The following PALS2 variants were observed in gnomAD, a reference collection of about 807,000 sequenced individuals.
The protein encoded by PALS2 is protein PALS2.
In PALS2, 27 loss-of-function variants were observed where a neutral mutation model predicts 61.6. That is an observed-to-expected ratio of 0.44 (90% CI 0.32 to 0.60). The LOEUF (loss-of-function observed/expected upper bound fraction) is 0.60, where lower values mean the gene tolerates loss of function less well. Among genes scored for constraint, PALS2 ranks in the 20% least tolerant of loss-of-function variants. The pLI, the probability that PALS2 is intolerant of heterozygous loss-of-function variation, is 0.05. For missense variants in PALS2, 554 were observed against 639.4 expected (o/e 0.87, Z 1.44); for synonymous variants, 236 against 218.6 (o/e 1.08, Z -0.70).
chr7:24,608,337 C>T (rs1277144680), intron 1 of PALS2, among the ~76,000 whole-genome samples: 3 of 152,126 alleles, frequency 2.0e-5, no homozygotes, highest in Non-Finnish European at 4.4e-5. Flanking sequence ...ATCTGCTCTG[C>T]ACATGGTAGA....
chr7:24,593,404 C>A (rs1191022439), intron 1 of PALS2, among the ~76,000 whole-genome samples: 1 of 152,096 alleles, frequency 6.6e-6, no homozygotes, highest in Non-Finnish European at 1.5e-5. Context: ...GATATTTTGA[C>A]CTTCTCCCAT....
At chr7:24,654,401 T>C (rs1234105672) in intron 5 of PALS2, among the ~76,000 whole-genome samples, 1 of 152,154 alleles carries the variant, frequency 6.6e-6, no homozygotes, top group Non-Finnish European at 1.5e-5. Flanking sequence ...CTACAACTTA[T>C]TAGAAATAAT....
chr7:24,648,455 G>A (rs1785959639), intron 3 of PALS2, among the ~76,000 whole-genome samples: 2 of 151,378 alleles, frequency 1.3e-5, no homozygotes, highest in Admixed American at 1.3e-4. Flanking sequence ...ACCACGCCCA[G>A]CTAATTTTTT....
intron 1 of PALS2, among the ~76,000 whole-genome samples, chr7:24,602,108 T>G (rs1386682786): frequency 6.6e-6 from 1 of 152,144 alleles, no homozygotes; most frequent in African/African-American, 2.4e-5. Context: ...CCTGTGCTTT[T>G]CTACTTTTTG....
rs546618546 is a variant in PALS2 at position 24,599,981 on chromosome 7, A to G, written c.-2-23685A>G. Among the ~76,000 whole-genome samples the G allele has an allele frequency of 5.2e-4, 79 of 152,196 alleles. 2 individuals carry two copies. The South Asian group carries it at 0.015, about 28-fold the overall frequency. On this transcript the variant is annotated intron_variant, in intron 1 of 11. Transcript: ENST00000222644. ...AGGGGGCAGTAACACCCATGGAGCT[A>G]TCATTTCCTATGATAACAGTGCCTT...
At chr7:24,667,390 A>G (rs1787077999) in intron 8 of PALS2, among the ~76,000 whole-genome samples, 2 of 152,182 alleles carry the variant, frequency 1.3e-5, no homozygotes, top group South Asian at 4.1e-4. Flanking sequence ...GTTGAATTCT[A>G]ATCAAACTGA....
Position 24,687,286 on chromosome 7 carries a change from G to T in PALS2, c.1447-152G>T. On this transcript the variant is annotated intron_variant, in intron 11 of 11. Coordinates refer to ENST00000222644, the MANE Select transcript of PALS2 (RefSeq NM_001303037.2). The surrounding 1 kb of genome is among the most constrained non-coding windows in gnomAD (Gnocchi z 4.5). Reference sequence around the variant, plus strand: ...TAAGACATGAACAGATGGCAGTGTTGTCTTTAACACTATATGGATTAGATT... The same window carrying T: ...TAAGACATGAACAGATGGCAGTGTTTTCTTTAACACTATATGGATTAGATT... The T allele has an allele frequency of 1.7e-6, 1 of 580,142 alleles. No homozygotes were observed. Among genetic ancestry groups the T allele is most frequent in the Non-Finnish European group, 2.9e-6 (1 of 341,324 alleles). 35.9% of individuals were successfully genotyped at this position (580,142 alleles called of 1,614,324 possible).
Position 24,689,564 on chromosome 7 carries a change from A to T in PALS2, c.*1950A>T, listed in dbSNP as rs1274418188. On this transcript the variant is annotated 3_prime_UTR_variant, in exon 12 of 12. Coordinates refer to ENST00000222644, the MANE Select transcript of PALS2 (RefSeq NM_001303037.2). Reference sequence around the variant, plus strand: ...AAGTTGTCATATTGTTAAAGTTGGAAATCTATAGGTTTTTCTTTTTTTTTT... The same window carrying T: ...AAGTTGTCATATTGTTAAAGTTGGATATCTATAGGTTTTTCTTTTTTTTTT... 3 of 151,902 alleles carry T rather than the reference A, an allele frequency of 2.0e-5. No homozygotes were observed. Among genetic ancestry groups the T allele is most frequent in the African/African-American group, 4.8e-5 (2 of 41,398 alleles). 9.4% of individuals were successfully genotyped at this position (151,902 alleles called of 1,614,324 possible). A position where few individuals can be genotyped will look rare whatever the true frequency, so the allele number is the denominator to read the frequency against.
At chr7:24,663,551 A>G (rs1786851123) in intron 5 of PALS2, 39 bp from the exon 6 acceptor site, 1 of 1,514,882 alleles carries the variant, frequency 6.6e-7, no homozygotes, top group Non-Finnish European at 8.9e-7. Context: ...GTGGCAAGTG[A>G]TACAACTATA....
intron 10 of PALS2, 81 bp from the exon 11 acceptor site, chr7:24,680,311 A>T: frequency 1.4e-6 from 2 of 1,395,942 alleles, no homozygotes; most frequent in East Asian, 4.7e-5. Context: ...AAGTGCAAAC[A>T]GCCTTTGATA....
intron 2 of PALS2, among the ~76,000 whole-genome samples, chr7:24,638,322 C>CTTTTTTTTTTTTTTTTTTTTTTTTTTTTT (rs749421698): frequency 8.4e-5 from 1 of 11,914 alleles, no homozygotes. Context: ...TCTGTATTTT[C>CTTTTTTTTTTTTTTTTTTTTTTTTTTTTT]TTTTTTTTTT....
chr7:24,637,466 G>C (rs546168251), intron 2 of PALS2, among the ~76,000 whole-genome samples: 3 of 151,478 alleles, frequency 2.0e-5, no homozygotes, highest in African/African-American at 7.3e-5. Flanking sequence ...TGAGTTTTAG[G>C]TCTCTAGAAT....
At chr7:24,583,506 C>G (rs1287195151) in intron 1 of PALS2, among the ~76,000 whole-genome samples, 3 of 152,102 alleles carry the variant, frequency 2.0e-5, no homozygotes, top group Non-Finnish European at 4.4e-5. Context: ...CAATTAGTTT[C>G]CATTCACCAT....
At chr7:24,630,263 G>A (rs1784940329) in intron 2 of PALS2, among the ~76,000 whole-genome samples, 1 of 151,992 alleles carries the variant, frequency 6.6e-6, no homozygotes, top group African/African-American at 2.4e-5. Flanking sequence ...CTTTTAAGTG[G>A]GTGTAAGTTG....
intron 2 of PALS2, among the ~76,000 whole-genome samples, chr7:24,626,387 G>A (rs2128059377): frequency 6.6e-6 from 1 of 152,236 alleles, no homozygotes; most frequent in Non-Finnish European, 1.5e-5. Context: ...AGAAAGAAAG[G>A]AGAGAGGGAA....
chr7:24,623,199 C>T (rs569482817), intron 1 of PALS2, among the ~76,000 whole-genome samples: 7 of 141,142 alleles, frequency 5.0e-5, no homozygotes, highest in African/African-American at 1.1e-4. Context: ...CCTTCTCTTC[C>T]GTTTTTTTTT....
At chr7:24,683,976 A>G (rs973001981) in intron 11 of PALS2, among the ~76,000 whole-genome samples, 1 of 152,204 alleles carries the variant, frequency 6.6e-6, no homozygotes, top group Non-Finnish European at 1.5e-5. Context: ...CTACAGTACA[A>G]ACACAACATT....
intron 1 of PALS2, among the ~76,000 whole-genome samples, chr7:24,605,587 G>GT (rs1270859792): frequency 1.3e-5 from 2 of 151,650 alleles, no homozygotes; most frequent in Non-Finnish European, 2.9e-5. Flanking sequence ...GTAAGAATAG[G>GT]TCTATAAAGA....
intron 3 of PALS2, among the ~76,000 whole-genome samples, chr7:24,642,206 A>G (rs955167656): frequency 1.3e-5 from 2 of 152,088 alleles, no homozygotes; most frequent in African/African-American, 4.8e-5. Flanking sequence ...CCTCATTCCC[A>G]TTCTGTTTCT....
Sources: gnomAD v4.1 joint callset for allele counts (sites outside exome capture counted in the v4.1 genomes callset) on GRCh38, gnomAD v4.1.1 for gene constraint, Gnocchi (gnomAD v3.1) non-coding constraint, MANE v1.5 for transcripts, NCBI Gene and HGNC (gene_info 2026-07-23, HGNC 2026-07-21) for gene names.